Variants in CREG2 observed in about 807,000 individuals in gnomAD.
The protein encoded by CREG2 is protein CREG2.
Under a neutral mutation model 26.2 loss-of-function variants are expected in CREG2, and 24 were observed. That is an observed-to-expected ratio of 0.92 (90% CI 0.66 to 1.29). The LOEUF (loss-of-function observed/expected upper bound fraction) is 1.29, where lower values mean the gene tolerates loss of function less well. Among genes scored for constraint, CREG2 ranks in the 50% most tolerant of loss-of-function variants. The pLI, the probability that CREG2 is intolerant of heterozygous loss-of-function variation, is 0.00. For synonymous variants in CREG2, 174 were observed against 169.2 expected (o/e 1.03, Z -0.22); for missense variants, 366 against 398.6 (o/e 0.92, Z 0.70).
At position 101,347,050 on chromosome 2, in the gene CREG2, T is replaced by C. The variant is rs1398737400; in HGVS notation, c.*3873A>G. The C allele has an allele frequency of 6.6e-6, 1 of 152,256 alleles. No homozygotes were observed. Among genetic ancestry groups the C allele is most frequent in the African/African-American group, 2.4e-5 (1 of 41,468 alleles). The allele number at this position is 152,256 out of a possible 1,614,324, so 9.4% of individuals were successfully genotyped here. On this transcript the variant is annotated 3_prime_UTR_variant, in exon 4 of 4. Coordinates refer to ENST00000324768, the MANE Select transcript of CREG2 (RefSeq NM_153836.4). ...ATTCCTATAATTTTGCATTTCAAAA[T>C]GTTATGTAAATGGAATCATACAGTG...
chr2:101,367,477 T>A (rs1261270147), intron 2 of CREG2, among the ~76,000 whole-genome samples: 1 of 152,238 alleles, frequency 6.6e-6, no homozygotes, highest in Admixed American at 6.5e-5. Flanking sequence ...ATGACACCTC[T>A]AACATACCAA....
At chr2:101,368,451 C>T (rs991122584) in intron 2 of CREG2, among the ~76,000 whole-genome samples, 4 of 152,134 alleles carry the variant, frequency 2.6e-5, no homozygotes, top group Non-Finnish European at 5.9e-5. Flanking sequence ...AATAAATGGC[C>T]CCACACTGTG....
chr2:101,349,160 C>T lies in CREG2; in HGVS notation c.*1763G>A, dbSNP rs999261350. Reference sequence around the variant, plus strand: ...AGGTGTGAGGTTGACTTATGCAATACATTTGAGCATGTCATTTGTTCTTCC... The same window carrying T: ...AGGTGTGAGGTTGACTTATGCAATATATTTGAGCATGTCATTTGTTCTTCC... On this transcript the variant is annotated 3_prime_UTR_variant, in exon 4 of 4. Transcript: ENST00000324768. 6.6e-6 allele frequency: 1 copy of T among 152,620 alleles called. No homozygotes were observed. The highest frequency in any genetic ancestry group is 2.4e-5 in the African/African-American group (1 of 41,460). The allele number at this position is 152,620 out of a possible 1,614,324, so 9.5% of individuals were successfully genotyped here. A position where few individuals can be genotyped will look rare whatever the true frequency, so the allele number is the denominator to read the frequency against.
chr2:101,361,790 G>C (rs976392733), intron 2 of CREG2, among the ~76,000 whole-genome samples: 2 of 152,180 alleles, frequency 1.3e-5, no homozygotes, highest in Non-Finnish European at 2.9e-5. Context: ...CACAACTGTG[G>C]TTACTGGCAG....
chr2:101,359,154 A>C (rs1481282244), intron 2 of CREG2, among the ~76,000 whole-genome samples: 2 of 151,764 alleles, frequency 1.3e-5, no homozygotes, highest in African/African-American at 4.9e-5. Context: ...AGTAAAGTAC[A>C]CTTGGAAGAG....
chr2:101,355,468 T>C (rs1684442946), intron 2 of CREG2, 102 bp from the exon 3 acceptor site: 8 of 707,328 alleles, frequency 1.1e-5, no homozygotes, highest in South Asian at 9.9e-5. Context: ...ACATTCCTGG[T>C]TATATCATTC....
intron 2 of CREG2, among the ~76,000 whole-genome samples, chr2:101,362,113 C>T (rs963089419): frequency 6.6e-6 from 1 of 152,164 alleles, no homozygotes; most frequent in Non-Finnish European, 1.5e-5. Flanking sequence ...CAAATTTGGT[C>T]ACGAAAGCTC....
At chr2:101,352,606 G>A (rs919080544) in intron 3 of CREG2, among the ~76,000 whole-genome samples, 4 of 152,180 alleles carry the variant, frequency 2.6e-5, no homozygotes, top group South Asian at 2.1e-4. Context: ...CCACGAGTTC[G>A]AGACCAGCCT....
Position 101,350,001 on chromosome 2 carries a change from CTTAAATGAGATGGCTT to C in CREG2, c.*906_*921del, listed in dbSNP as rs1387979840. The C allele has an allele frequency of 2.6e-5, 4 of 152,244 alleles. No individual in the cohort carries two copies. The highest frequency in any genetic ancestry group is 9.6e-5 in the African/African-American group (4 of 41,456). The allele number at this position is 152,244 out of a possible 1,614,324, so 9.4% of individuals were successfully genotyped here. ...GACGTGCATCTCATTGGTTGCAGGG[CTTAAATGAGATGGCTT>C]CTGTTGAGGGCCTGGCCCAGGGCCG... On this transcript the variant is annotated 3_prime_UTR_variant, in exon 4 of 4. Transcript: ENST00000324768.
At chr2:101,379,917 G>T (rs1192074615) in intron 2 of CREG2, among the ~76,000 whole-genome samples, 2 of 152,114 alleles carry the variant, frequency 1.3e-5, no homozygotes, top group African/African-American at 4.8e-5. Context: ...CCAAGCAGGG[G>T]CAACTGTAAT....
chr2:101,367,894 C>T (rs1260313388), intron 2 of CREG2, among the ~76,000 whole-genome samples: 1 of 152,204 alleles, frequency 6.6e-6, no homozygotes, highest in African/African-American at 2.4e-5. Flanking sequence ...GGCAAGGAAA[C>T]GGCTTCTCCT....
At chr2:101,353,357 A>G (rs1217351222) in intron 3 of CREG2, among the ~76,000 whole-genome samples, 1 of 152,254 alleles carries the variant, frequency 6.6e-6, no homozygotes, top group East Asian at 1.9e-4. Context: ...CAACAAATAT[A>G]TGAAACAAAG....
intron 1 of CREG2, among the ~76,000 whole-genome samples, chr2:101,384,865 A>T (rs1462978500): frequency 2.0e-5 from 3 of 152,084 alleles, no homozygotes; most frequent in Admixed American, 6.6e-5. Flanking sequence ...CATCTATAAA[A>T]TAAATAAATA....
chr2:101,365,667 TG>T (rs1278942846), intron 2 of CREG2, among the ~76,000 whole-genome samples: 1 of 152,206 alleles, frequency 6.6e-6, no homozygotes, highest in Non-Finnish European at 1.5e-5. Context: ...TTCCCAGTTT[TG>T]TTCATCCTTC....
At chr2:101,361,615 T>G (rs1183942539) in intron 2 of CREG2, among the ~76,000 whole-genome samples, 1 of 152,214 alleles carries the variant, frequency 6.6e-6, no homozygotes. Flanking sequence ...GGTGTTAATC[T>G]GGTGAGTCCT....
In CREG2 at chr2:101,367,050, C is replaced by A. The variant is rs148791613; in HGVS notation, c.612-11684G>T. Reference sequence around the variant, plus strand: ...GGGGCTGGAGGAGGGTTCCTGGAACCAATTGCCCATGGATACCAAGGGATA... The same window carrying A: ...GGGGCTGGAGGAGGGTTCCTGGAACAAATTGCCCATGGATACCAAGGGATA... On this transcript the variant is annotated intron_variant, in intron 2 of 3. Coordinates refer to ENST00000324768, the MANE Select transcript of CREG2 (RefSeq NM_153836.4). 8.0e-3 allele frequency among the ~76,000 whole-genome samples: 1,215 copies of A among 152,136 alleles called. 10 individuals carry two copies. Among genetic ancestry groups the A allele is most frequent in the African/African-American group, 0.028 (1,142 of 41,506 alleles).
chr2:101,357,875 G>A lies in CREG2; in HGVS notation c.612-2509C>T, dbSNP rs139718554. Among the ~76,000 whole-genome samples, 1,049 of 151,458 alleles carry A rather than the reference G, an allele frequency of 6.9e-3. 16 individuals are homozygous for A. The highest frequency in any genetic ancestry group is 0.024 in the African/African-American group (998 of 41,342). ...AGGCTACCTCCCAGCTACTTGGGAG[G>A]CTGAGGCGGGAGAATGGCGTGATCC... On this transcript the variant is annotated intron_variant, in intron 2 of 3. Coordinates refer to ENST00000324768, the MANE Select transcript of CREG2 (RefSeq NM_153836.4).
chr2:101,387,153 C>T lies in CREG2; in HGVS notation c.305G>A (p.Gly102Glu). 1 of 1,266,974 alleles carries T rather than the reference C, an allele frequency of 7.9e-7. No homozygotes were observed. Among genetic ancestry groups the T allele is most frequent in the Non-Finnish European group, 9.9e-7 (1 of 1,005,864 alleles). The allele number at this position is 1,266,974 out of a possible 1,614,324, so 78.5% of individuals were successfully genotyped here. A position where few individuals can be genotyped will look rare whatever the true frequency, so the allele number is the denominator to read the frequency against. Residue 102 changes from glycine (G) to glutamate (E), a missense_variant, in exon 1 of 4, where the codon GGG becomes GAG. By Grantham distance (98) the Gly-to-Glu change is moderately conservative. Coordinates refer to ENST00000324768, the MANE Select transcript of CREG2 (RefSeq NM_153836.4). The surrounding 1 kb of genome is among the most constrained non-coding windows in gnomAD (Gnocchi z 4.7). Reference sequence around the variant, plus strand: ...GCCCTCGCGCCGGTAGGAGAACATCCCGGGTGGCGCGGGGGGCGGCCTGGC... The same window carrying T: ...GCCCTCGCGCCGGTAGGAGAACATCTCGGGTGGCGCGGGGGGCGGCCTGGC... ...ARARPPPAPP[G>E]MFSYRREGGQ... is the part of the protein sequence containing the mutation.
intron 2 of CREG2, chr2:101,382,661 T>C (rs1407348170): frequency 3.0e-6 from 3 of 985,322 alleles, no homozygotes; most frequent in Admixed American, 1.2e-4. Flanking sequence ...TCTTGCATTG[T>C]ATAGTTGCTT....
Sources: allele counts gnomAD v4.1 joint callset (sites outside exome capture counted in the v4.1 genomes callset), GRCh38; gene constraint gnomAD v4.1.1; non-coding constraint Gnocchi (gnomAD v3.1); transcripts MANE v1.5; gene names NCBI Gene and HGNC (gene_info 2026-07-23, HGNC 2026-07-21).